The following HSPA9 variants were observed in gnomAD, a reference collection of about 807,000 sequenced individuals.
HSPA9 encodes the protein heat shock protein family A (Hsp70) member 9, also known as stress-70 protein, mitochondrial.
Under a neutral mutation model 81.5 loss-of-function variants are expected in HSPA9, and 28 were observed. The ratio of observed to expected loss-of-function variants is 0.34; its 90% CI spans 0.25 to 0.47. The LOEUF is 0.47. Ranked by LOEUF, HSPA9 falls within the 20% of genes least tolerant of loss-of-function variation. HSPA9 has a pLI of 1.00. For missense variants in HSPA9, 678 were observed against 838.0 expected (o/e 0.81, Z 2.36); for synonymous variants, 293 against 290.4 (o/e 1.01, Z -0.09).
At chr5:138,570,445 G>T (rs905255274) in intron 4 of HSPA9, among the ~76,000 whole-genome samples, 6 of 152,260 alleles carry the variant, frequency 3.9e-5, no homozygotes, top group Admixed American at 3.3e-4. Context: ...AAATTTTCAT[G>T]TATCATGTCA....
chr5:138,563,567 C>T (rs1036601632), intron 9 of HSPA9, among the ~76,000 whole-genome samples: 4 of 152,196 alleles, frequency 2.6e-5, no homozygotes, highest in African/African-American at 7.2e-5. Context: ...CTGCCCTTCA[C>T]AATTCTCCAC....
At chr5:138,557,693 GC>G (rs1276216094) in intron 13 of HSPA9, among the ~76,000 whole-genome samples, 175 bp downstream of exon 13, 2 of 152,148 alleles carry the variant, frequency 1.3e-5, no homozygotes, top group Non-Finnish European at 2.9e-5. Context: ...TGGCCTGTTT[GC>G]CCATCAAAAC....
chr5:138,561,197 T>C, intron 10 of HSPA9: 1 of 411,106 alleles, frequency 2.4e-6, no homozygotes, highest in Non-Finnish European at 5.1e-6. Flanking sequence ...AGGTTTTATG[T>C]TCCCCTCTGA....
chr5:138,568,172 G>A (rs1003956258), intron 5 of HSPA9, among the ~76,000 whole-genome samples: 7 of 149,124 alleles, frequency 4.7e-5, no homozygotes, highest in Non-Finnish European at 8.9e-5. Context: ...GCGACAGAGC[G>A]AGACTCTTGT....
chr5:138,557,137 T>C (rs193103580), intron 14 of HSPA9: 6 of 600,236 alleles, frequency 1.0e-5, no homozygotes. Context: ...AAGAATAGAT[T>C]ATCTTAGGTT....
In HSPA9 at chr5:138,556,434, C is replaced by T; in HGVS notation, c.1962+18G>A. ...ATCCAGATCAAGTTAGAATCAAAATCCACTTCAGCCCTTGTACCTTTTTGT... is the reference window on the plus strand; with the variant it reads ...ATCCAGATCAAGTTAGAATCAAAATTCACTTCAGCCCTTGTACCTTTTTGT... On this transcript the variant is annotated intron_variant, in intron 16 of 16. Transcript: ENST00000297185. 5.0e-6 allele frequency: 8 copies of T among 1,612,048 alleles called. No individual in the cohort carries two copies. Among genetic ancestry groups the T allele is most frequent in the Non-Finnish European group, 6.8e-6 (8 of 1,179,838 alleles).
In HSPA9 at chr5:138,566,867, A is replaced by G. The variant is rs1360094938; in HGVS notation, c.879+134T>C. 3 of 1,181,276 alleles carry G rather than the reference A, an allele frequency of 2.5e-6. No homozygotes were observed. In the African/African-American group the frequency reaches 4.5e-5, roughly 18 times the overall value. 73.2% of individuals were successfully genotyped at this position (1,181,276 alleles called of 1,614,324 possible). On this transcript the variant is annotated intron_variant, in intron 8 of 16. Coordinates refer to ENST00000297185, the MANE Select transcript of HSPA9 (RefSeq NM_004134.7). ...TATTACCCTTAATGTGTAGGGAAAA[A>G]AAATATTCTGAAAAGAGTATCTGTG... is the stretch of plus-strand genomic sequence containing the variant.
intron 1 of HSPA9, among the ~76,000 whole-genome samples, chr5:138,574,428 A>G (rs1299073839): frequency 6.6e-6 from 1 of 152,120 alleles, no homozygotes; most frequent in Non-Finnish European, 1.5e-5. Flanking sequence ...ACCAATAAGC[A>G]CCCCAGTAAG....
At chr5:138,559,455 A>G (rs1183256323) in intron 11 of HSPA9, among the ~76,000 whole-genome samples, 1 of 152,122 alleles carries the variant, frequency 6.6e-6, no homozygotes, top group Non-Finnish European at 1.5e-5. Context: ...CCTGCTTGGT[A>G]TCTCGGCACC....
chr5:138,563,490 C>T (rs1322780060), intron 9 of HSPA9, among the ~76,000 whole-genome samples: 1 of 152,154 alleles, frequency 6.6e-6, no homozygotes, highest in Non-Finnish European at 1.5e-5. Context: ...CTTACTCTCA[C>T]TCTCATCCAA....
chr5:138,560,536 A>T (rs1333801941), intron 10 of HSPA9, among the ~76,000 whole-genome samples: 1 of 151,820 alleles, frequency 6.6e-6, no homozygotes, highest in Non-Finnish European at 1.5e-5. Context: ...GTTCCATTTG[A>T]ATAGTATCGG....
chr5:138,556,093 A>G lies in HSPA9; in HGVS notation c.1984T>C (p.Ser662Pro), dbSNP rs1490379442. 6.2e-7 allele frequency: 1 copy of G among 1,613,644 alleles called. No homozygotes were observed. Among genetic ancestry groups the G allele is most frequent in the Non-Finnish European group, 8.5e-7 (1 of 1,179,716 alleles). Residue 662 changes from serine (S) to proline (P), a missense_variant, in exon 17 of 17, where the codon TCT (serine) becomes CCT (proline). Coordinates refer to ENST00000297185, the MANE Select transcript of HSPA9 (RefSeq NM_004134.7). Reference protein sequence around the residue: ...YKKMASEREGSGSSGTGEQKE... With the variant: ...YKKMASEREGPGSSGTGEQKE... ...TGTTCCCCAGTGCCAGAACTTCCAG[A>G]GCCTTCTCGCTCAGATGCCATCTGT... is the stretch of plus-strand genomic sequence containing the variant.
At chr5:138,556,891 G>A (rs773964436) in intron 14 of HSPA9, 25 bp from the exon 15 acceptor site, 24 of 1,558,474 alleles carry the variant, frequency 1.5e-5, no homozygotes, top group Non-Finnish European at 1.8e-5. Context: ...AAGTTTAAAC[G>A]AAGACTTTCC....
At chr5:138,569,466 A>C (rs895646114) in intron 4 of HSPA9, among the ~76,000 whole-genome samples, 2 of 152,218 alleles carry the variant, frequency 1.3e-5, no homozygotes, top group Non-Finnish European at 2.9e-5. Context: ...TCTAATAGCC[A>C]AAAAGCAGAA....
At chr5:138,565,651 T>G (rs1220081942) in intron 9 of HSPA9, among the ~76,000 whole-genome samples, 1 of 152,226 alleles carries the variant, frequency 6.6e-6, no homozygotes, top group African/African-American at 2.4e-5. Flanking sequence ...AGAGGCTGTG[T>G]AAATCTGATG....
At chr5:138,566,910 GA>G in intron 8 of HSPA9, 90 bp downstream of exon 8, 1 of 1,363,618 alleles carries the variant, frequency 7.3e-7, no homozygotes, top group Non-Finnish European at 1.0e-6. Context: ...TAAGGGGGTT[GA>G]ACTGAACTCG....
chr5:138,567,331 T>TG lies in HSPA9; in HGVS notation c.716+123dup. 13 of 1,038,212 alleles carry TG rather than the reference T, an allele frequency of 1.3e-5. No individual in the cohort carries two copies. In the South Asian group the frequency reaches 1.8e-4, roughly 14 times the overall value. 64.3% of individuals were successfully genotyped at this position (1,038,212 alleles called of 1,614,324 possible). A position where few individuals can be genotyped will look rare whatever the true frequency, so the allele number is the denominator to read the frequency against. On this transcript the variant is annotated intron_variant, in intron 7 of 16. Transcript: ENST00000297185. ...AGAAAAGAAAAGAATGGTTTTGAAA[T>TG]GAAAAAACAAAGACAATACAGACTT...
In HSPA9 at chr5:138,567,576, G is replaced by C. The variant is rs1234090609; in HGVS notation, c.610-15C>G. The C allele has an allele frequency of 6.2e-7, 1 of 1,612,040 alleles. No homozygotes were observed. The highest frequency in any genetic ancestry group is 1.3e-5 in the African/African-American group (1 of 74,896). ...TCTTTAGTGGCCTAGAGAAAACAAAGAGAAAAACATTTTTGTACCCTTCCA... is the reference window on the plus strand; with the variant it reads ...TCTTTAGTGGCCTAGAGAAAACAAACAGAAAAACATTTTTGTACCCTTCCA... On this transcript the variant is annotated splice_polypyrimidine_tract_variant and intron_variant, in intron 6 of 16. Transcript: ENST00000297185.
rs1489987918 is a variant in HSPA9 at position 138,555,713 on chromosome 5, A to G, written c.*324T>C. On this transcript the variant is annotated 3_prime_UTR_variant, in exon 17 of 17. Coordinates refer to ENST00000297185, the MANE Select transcript of HSPA9 (RefSeq NM_004134.7). ...GACTACCTTCATTGCTGTGTGCGAG[A>G]TGGTTTCACCCCTTGAAAATATGGT... 4 of 377,612 alleles carry G rather than the reference A, an allele frequency of 1.1e-5. No homozygotes were observed. Among genetic ancestry groups the G allele is most frequent in the African/African-American group, 2.1e-5 (1 of 47,810 alleles). The allele number at this position is 377,612 out of a possible 1,614,324, so 23.4% of individuals were successfully genotyped here.
Sources: allele counts gnomAD v4.1 joint callset (sites outside exome capture counted in the v4.1 genomes callset), GRCh38; gene constraint gnomAD v4.1.1; transcripts MANE v1.5; gene names NCBI Gene and HGNC (gene_info 2026-07-23, HGNC 2026-07-21).